The following CCDC144A variants were observed in gnomAD, a reference collection of about 807,000 sequenced individuals.
The protein encoded by CCDC144A is coiled-coil domain containing 144A, also known as coiled-coil domain-containing protein 144A.
In CCDC144A, 41 loss-of-function variants were observed where a neutral mutation model predicts 143.8. That is an observed-to-expected ratio of 0.29 (90% confidence interval 0.22 to 0.37). The LOEUF (loss-of-function observed/expected upper bound fraction) is 0.37. CCDC144A is among the 10% of genes least tolerant of loss of function. CCDC144A has a pLI of 1.00. For missense variants in CCDC144A, 637 were observed against 1,488.8 expected (o/e 0.43, Z 9.41); for synonymous variants, 242 against 517.9 (o/e 0.47, Z 7.23).
intron 16 of CCDC144A, among the ~76,000 whole-genome samples, chr17:16,772,255 C>G (rs1166914619): frequency 6.6e-6 from 1 of 151,806 alleles, no homozygotes; most frequent in African/African-American, 2.4e-5. Flanking sequence ...TCTGGCTCTA[C>G]TCTTCACTTC....
Position 16,776,576 on chromosome 17 carries a change from G to A in CCDC144A, c.*2943G>A, listed in dbSNP as rs1916009107. 6.6e-6 allele frequency: 1 copy of A among 152,204 alleles called. No homozygotes were observed. Among genetic ancestry groups the A allele is most frequent in the African/African-American group, 2.4e-5 (1 of 41,426 alleles). The allele number at this position is 152,204 out of a possible 1,614,324, so 9.4% of individuals were successfully genotyped here. A position where few individuals can be genotyped will look rare whatever the true frequency, so the allele number is the denominator to read the frequency against. ...TGTATCCTGAGACTTTGTTGAAGTT[G>A]CTTATCAGCTAAGAAGTTTTTGAGC... On this transcript the variant is annotated 3_prime_UTR_variant, in exon 17 of 17. Coordinates refer to ENST00000399273, the MANE Select transcript of CCDC144A (RefSeq NM_001382000.1).
At chr17:16,690,237 C>T (rs547489229), upstream of CCDC144A, 32 of 516,826 alleles carry the variant, frequency 6.2e-5, no homozygotes, top group South Asian at 1.2e-3. Context: ...TTGGCCTTAC[C>T]CACGAGGCTT....
the CCDC144A span, among the ~76,000 whole-genome samples, chr17:16,672,426 C>A: frequency 6.6e-6 from 1 of 151,542 alleles, no homozygotes; most frequent in Non-Finnish European, 1.5e-5. Context: ...GCCTGGGGGA[C>A]AAAAGCAAAA....
In CCDC144A at chr17:16,711,799, A is replaced by G; in HGVS notation, c.1699A>G (p.Asn567Asp). 6.3e-7 allele frequency: 1 copy of G among 1,589,886 alleles called. No homozygotes were observed. Among genetic ancestry groups the G allele is most frequent in the Non-Finnish European group, 8.6e-7 (1 of 1,167,994 alleles). Residue 567 changes from asparagine to aspartate, a missense_variant, in exon 6 of 17, where the codon AAT becomes GAT. Physicochemically the swap from Asn to Asp is conservative, Grantham distance 23. Transcript: ENST00000399273. ...GLNQQIPRKE[N>D]GEHDRPADKT... Reference sequence around the variant, plus strand: ...AAATCAGCAGATTCCTAGGAAGGAAAATGGAGAGCATGACAGGTAAGCCTA... The same window carrying G: ...AAATCAGCAGATTCCTAGGAAGGAAGATGGAGAGCATGACAGGTAAGCCTA...
the CCDC144A span, among the ~76,000 whole-genome samples, chr17:16,668,486 T>C: frequency 0.022 from 3,338 of 152,334 alleles, 110 homozygotes; most frequent in African/African-American, 0.076. Flanking sequence ...AATGATATAT[T>C]GTGTAGAGAT....
chr17:16,766,782 T>A (rs1385028607), intron 15 of CCDC144A, among the ~76,000 whole-genome samples: 3 of 152,012 alleles, frequency 2.0e-5, no homozygotes, highest in Non-Finnish European at 4.4e-5. Context: ...TAAAAGCAGA[T>A]GTGATGCAAG....
At chr17:16,711,571 T>G in intron 5 of CCDC144A, 108 bp from the exon 6 acceptor site, 1 of 1,537,832 alleles carries the variant, frequency 6.5e-7, no homozygotes. Context: ...TGACTGAAAT[T>G]ATAATTAAAC....
intron 15 of CCDC144A, among the ~76,000 whole-genome samples, chr17:16,769,502 T>G (rs1386802675): frequency 1.3e-5 from 2 of 152,244 alleles, no homozygotes; most frequent in Non-Finnish European, 2.9e-5. Context: ...TATAAATAAC[T>G]CACAACATGG....
At chr17:16,711,656 T>C (rs1264838430) in intron 5 of CCDC144A, 23 bp from the exon 6 acceptor site, 15 of 1,610,176 alleles carry the variant, frequency 9.3e-6, no homozygotes, top group South Asian at 2.2e-5. Flanking sequence ...ACAATCATCC[T>C]GAACATCAAA....
intron 12 of CCDC144A, among the ~76,000 whole-genome samples, chr17:16,741,854 A>G (rs1325124317): frequency 6.6e-6 from 1 of 152,182 alleles, no homozygotes; most frequent in Non-Finnish European, 1.5e-5. Flanking sequence ...GCTAATTAAT[A>G]TATTCCATCA....
Position 16,758,948 on chromosome 17 carries a change from C to T in CCDC144A, c.3373-2477C>T, listed in dbSNP as rs373248235. On this transcript the variant is annotated intron_variant, in intron 12 of 16. Coordinates refer to ENST00000399273, the MANE Select transcript of CCDC144A (RefSeq NM_001382000.1). The stretch of plus-strand genomic sequence containing the variant: ...TTGTGCTTCCTGTGAAGGAAGCACA[C>T]TGTTCTGTGTAGTACGACAGTGCCT... 4.6e-3 allele frequency among the ~76,000 whole-genome samples: 694 copies of T among 152,272 alleles called. 1 individual carries two copies. Among genetic ancestry groups the T allele is most frequent in the Middle Eastern group, 0.034 (10 of 294 alleles).
intron 12 of CCDC144A, among the ~76,000 whole-genome samples, chr17:16,752,094 A>G (rs1293631137): frequency 5.6e-4 from 85 of 152,132 alleles, no homozygotes; most frequent in South Asian, 4.0e-3. Flanking sequence ...CTGGTCTGTG[A>G]CCTGTTAGGA....
chr17:16,674,173 G>A, the CCDC144A span, among the ~76,000 whole-genome samples: 1 of 151,928 alleles, frequency 6.6e-6, no homozygotes, highest in Admixed American at 6.6e-5. Context: ...CAGCACTTTG[G>A]GAGGCTGAGG....
chr17:16,754,012 G>A (rs371135034), intron 12 of CCDC144A, among the ~76,000 whole-genome samples: 18 of 152,280 alleles, frequency 1.2e-4, no homozygotes, highest in African/African-American at 3.4e-4. Flanking sequence ...TTACATTACC[G>A]TTACTGGTCT....
the CCDC144A span, among the ~76,000 whole-genome samples, chr17:16,681,598 C>T: frequency 2.0e-5 from 3 of 152,194 alleles, no homozygotes; most frequent in East Asian, 1.9e-4. Flanking sequence ...TGGCTCACGC[C>T]TGTAATCCCA....
the CCDC144A span, among the ~76,000 whole-genome samples, chr17:16,684,440 G>T: frequency 3.9e-5 from 6 of 152,202 alleles, no homozygotes; most frequent in South Asian, 1.2e-3. Flanking sequence ...TGGATCACGG[G>T]GTCAGGAGTT....
intron 12 of CCDC144A, among the ~76,000 whole-genome samples, chr17:16,751,924 G>T (rs921657126): frequency 1.3e-5 from 2 of 152,242 alleles, no homozygotes; most frequent in Non-Finnish European, 2.9e-5. Flanking sequence ...GCCCAACTAG[G>T]TAGTTTTGTC....
intron 2 of CCDC144A, among the ~76,000 whole-genome samples, chr17:16,702,828 A>T (rs1315903565): frequency 6.6e-6 from 1 of 151,974 alleles, no homozygotes; most frequent in Non-Finnish European, 1.5e-5. Flanking sequence ...AGAGTGGGGT[A>T]TTAGAAAGGT....
At chr17:16,744,822 G>T (rs1914419485) in intron 12 of CCDC144A, among the ~76,000 whole-genome samples, 1 of 151,840 alleles carries the variant, frequency 6.6e-6, no homozygotes, top group South Asian at 2.1e-4. Context: ...TCACTGAAAG[G>T]AAGAAACTAC....
Sources: allele counts gnomAD v4.1 joint callset (sites outside exome capture counted in the v4.1 genomes callset), GRCh38; gene constraint gnomAD v4.1.1; transcripts MANE v1.5; gene names NCBI Gene and HGNC (gene_info 2026-07-23, HGNC 2026-07-21).